The following DENND5A variants were observed in gnomAD, a reference collection of about 807,000 sequenced individuals.
DENND5A encodes DENN domain containing 5A, also known as DENN domain-containing protein 5A.
DENND5A carries 64 observed loss-of-function variants against 140.3 expected under a neutral mutation model. That is an observed-to-expected ratio of 0.46 (90% CI 0.37 to 0.56). DENND5A has a LOEUF of 0.56. DENND5A is among the 20% of genes least tolerant of loss of function. DENND5A has a pLI of 0.00. For missense variants in DENND5A, 1,292 were observed against 1,593.8 expected (o/e 0.81, Z 3.22); for synonymous variants, 605 against 607.7 (o/e 1.00, Z 0.07).
intron 11 of DENND5A, among the ~76,000 whole-genome samples, chr11:9,162,680 C>T (rs1346119005): frequency 6.6e-6 from 1 of 151,976 alleles, no homozygotes; most frequent in Non-Finnish European, 1.5e-5. Context: ...ATATTTTTAA[C>T]CCTAAAATAT....
intron 1 of DENND5A, among the ~76,000 whole-genome samples, chr11:9,218,569 CA>C (rs1415963347): frequency 1.3e-5 from 2 of 151,912 alleles, no homozygotes; most frequent in African/African-American, 4.8e-5. Context: ...ACTAAAAATA[CA>C]AAAATTAGCT....
chr11:9,207,673 G>A lies in DENND5A; in HGVS notation c.110-41C>T, dbSNP rs762384782. 3.7e-5 allele frequency: 53 copies of A among 1,422,952 alleles called. 1 individual carries two copies. In the East Asian group the frequency reaches 1.2e-3, roughly 31 times the overall value. 88.1% of individuals were successfully genotyped at this position (1,422,952 alleles called of 1,614,324 possible). On this transcript the variant is annotated intron_variant, in intron 1 of 22. Transcript: ENST00000328194. The stretch of plus-strand genomic sequence containing the variant: ...AATAACAGAGTATTACAATAAAGCA[G>A]TGTTATTCAAACTTTTTTGACCATT...
intron 8 of DENND5A, chr11:9,172,075 A>T (rs1278519158): frequency 1.3e-5 from 2 of 152,184 alleles, no homozygotes; most frequent in African/African-American, 4.8e-5. Context: ...TGTTGCCATT[A>T]AAAGAGTATC....
chr11:9,241,283 G>C (rs1178783252), intron 1 of DENND5A, among the ~76,000 whole-genome samples: 1 of 152,162 alleles, frequency 6.6e-6, no homozygotes, highest in Non-Finnish European at 1.5e-5. Context: ...ACCTTAGTAT[G>C]CATCAGGACA....
intron 12 of DENND5A, 93 bp downstream of exon 12, chr11:9,160,620 A>T: frequency 8.3e-7 from 1 of 1,207,834 alleles, no homozygotes; most frequent in Non-Finnish European, 1.2e-6. Context: ...CATTCTTCAA[A>T]GCCAGTCAGC....
intron 7 of DENND5A, 59 bp downstream of exon 7, chr11:9,178,799 T>G: frequency 7.1e-7 from 1 of 1,404,690 alleles, no homozygotes; most frequent in Non-Finnish European, 1.0e-6. Flanking sequence ...CATTACTTCT[T>G]CAAGACATAA....
intron 8 of DENND5A, chr11:9,176,947 C>T (rs1355145569): frequency 2.2e-6 from 1 of 455,988 alleles, no homozygotes; most frequent in Non-Finnish European, 4.4e-6. Flanking sequence ...GAAAGCTTTT[C>T]CTTTCTGATA....
chr11:9,243,095 A>AAAAAAAAAAAAAAAAAAAAAAAAAAG (rs1564936159), intron 1 of DENND5A, among the ~76,000 whole-genome samples: 1 of 138,508 alleles, frequency 7.2e-6, no homozygotes, highest in Non-Finnish European at 1.5e-5. Context: ...CTCAAAAAAA[A>AAAAAAAAAAAAAAAAAAAAAAAAAAG]AAAAAAAAAC....
chr11:9,217,724 G>T lies in DENND5A; in HGVS notation c.110-10092C>A, dbSNP rs187436395. Among the ~76,000 whole-genome samples, 346 of 152,260 alleles carry T rather than the reference G, an allele frequency of 2.3e-3. 1 individual carries two copies. The highest frequency in any genetic ancestry group is 3.9e-3 in the Non-Finnish European group (262 of 68,018). On this transcript the variant is annotated intron_variant, in intron 1 of 22. Transcript: ENST00000328194. ...AAAAAACAGAAATTGTATACTGTAAGCAGGTAAACTAGGCTATGTAAAGTA... is the reference window on the plus strand; with the variant it reads ...AAAAAACAGAAATTGTATACTGTAATCAGGTAAACTAGGCTATGTAAAGTA...
At chr11:9,173,028 G>A (rs1848425569) in intron 8 of DENND5A, among the ~76,000 whole-genome samples, 1 of 150,434 alleles carries the variant, frequency 6.6e-6, no homozygotes, top group African/African-American at 2.4e-5. Flanking sequence ...GTTTCACCAT[G>A]TTGGCCAGGC....
chr11:9,150,231 GA>G lies in DENND5A; in HGVS notation c.2607-23del, dbSNP rs765140486. On this transcript the variant is annotated intron_variant, in intron 14 of 22. Coordinates refer to ENST00000328194, the MANE Select transcript of DENND5A (RefSeq NM_015213.4). ...GTGCCTGGAGGAAGAATGTAAAAAG[GA>G]AGTGGAGGGTGGGATGGGAGATGAA... The G allele has an allele frequency of 9.9e-6, 16 of 1,611,440 alleles. No individual in the cohort carries two copies. In the South Asian group the frequency reaches 1.7e-4, roughly 17 times the overall value.
chr11:9,208,911 T>C (rs1164390902), intron 1 of DENND5A, among the ~76,000 whole-genome samples: 3 of 152,262 alleles, frequency 2.0e-5, no homozygotes, highest in Non-Finnish European at 2.9e-5. Context: ...CAGAGCTTTC[T>C]GTAACACCTG....
At chr11:9,139,878 G>A (rs369741740) in intron 22 of DENND5A, 24 bp from the exon 23 acceptor site, 37 of 1,610,826 alleles carry the variant, frequency 2.3e-5, no homozygotes, top group Middle Eastern at 1.7e-4. Flanking sequence ...AGCAGTCCAG[G>A]CAGGTCAGAG....
At chr11:9,153,972 A>G (rs1406080816) in intron 12 of DENND5A, among the ~76,000 whole-genome samples, 1 of 152,258 alleles carries the variant, frequency 6.6e-6, no homozygotes, top group Admixed American at 6.5e-5. Flanking sequence ...TCAGTACATC[A>G]TAACCCTTGT....
At position 9,230,230 on chromosome 11, in the gene DENND5A, C is replaced by CT. The variant is rs71062817; in HGVS notation, c.110-22599dup. 4.3e-3 allele frequency among the ~76,000 whole-genome samples: 223 copies of CT among 52,092 alleles called. 25 individuals are homozygous for CT. The highest frequency in any genetic ancestry group is 5.2e-3 in the African/African-American group (57 of 10,988). 34.2% of individuals were successfully genotyped at this position (52,092 alleles called of 152,430 possible). A position where few individuals can be genotyped will look rare whatever the true frequency, so the allele number is the denominator to read the frequency against. On this transcript the variant is annotated intron_variant, in intron 1 of 22. Transcript: ENST00000328194. ...GGCCCCATTTCATGTAAAACTAATG[C>CT]TTTTTTTTTTTTTTTTTTTTTTTTT...
chr11:9,142,804 A>C lies in DENND5A; in HGVS notation c.3429T>G (p.Leu1143=), dbSNP rs1327334399. 2.5e-6 allele frequency: 4 copies of C among 1,614,148 alleles called. No individual in the cohort carries two copies. The highest frequency in any genetic ancestry group is 3.4e-6 in the Non-Finnish European group (4 of 1,180,018). ...GGAAAGCCTGTTCCAAGGCCGAGAC[A>C]AGGCCACACTCTCCACAGAGCAACA... is the stretch of plus-strand genomic sequence containing the variant. ...LTLLLCGECG[L]VSALEQAFQH... is the part of the protein sequence containing the mutation. Residue 1143 remains leucine (L), a synonymous_variant, in exon 21 of 23, where the codon CTT becomes CTG. Transcript: ENST00000328194.
At chr11:9,196,449 G>A (rs936183213) in intron 4 of DENND5A, among the ~76,000 whole-genome samples, 4 of 151,986 alleles carry the variant, frequency 2.6e-5, no homozygotes, top group South Asian at 2.1e-4. Flanking sequence ...GTATATACAC[G>A]GCTATATCTA....
At chr11:9,201,928 C>T (rs1849537363) in intron 4 of DENND5A, among the ~76,000 whole-genome samples, 1 of 152,116 alleles carries the variant, frequency 6.6e-6, no homozygotes. Context: ...TAAGAAACCA[C>T]AGACACCATC....
Position 9,219,566 on chromosome 11 carries a change from C to CA in DENND5A, c.110-11935dup, listed in dbSNP as rs1043883550. 3.1e-4 allele frequency among the ~76,000 whole-genome samples: 47 copies of CA among 149,466 alleles called. 1 individual carries two copies. Among genetic ancestry groups the CA allele is most frequent in the East Asian group, 8.0e-4 (4 of 4,980 alleles). The stretch of plus-strand genomic sequence containing the variant: ...TATGCTCTGCCAAAACGAGAATTAA[C>CA]AAAAAAAAACGACTTACATATGGGA... On this transcript the variant is annotated intron_variant, in intron 1 of 22. Coordinates refer to ENST00000328194, the MANE Select transcript of DENND5A (RefSeq NM_015213.4).
Sources: allele counts gnomAD v4.1 joint callset (sites outside exome capture counted in the v4.1 genomes callset), GRCh38; gene constraint gnomAD v4.1.1; transcripts MANE v1.5; gene names NCBI Gene and HGNC (gene_info 2026-07-23, HGNC 2026-07-21).